Variants in IFT74 observed in about 807,000 individuals in gnomAD.
IFT74 encodes the protein intraflagellar transport protein 74 homolog.
Under a neutral mutation model 96.7 loss-of-function variants are expected in IFT74, and 92 were observed. The observed-to-expected ratio is 0.95, with a 90% confidence interval of 0.80 to 1.13. The LOEUF (loss-of-function observed/expected upper bound fraction) is 1.13. IFT74 is among the 50% of genes most tolerant of loss of function. The pLI, the probability that IFT74 is intolerant of heterozygous loss-of-function variation, is 0.00. For missense variants in IFT74, 811 were observed against 698.2 expected, an observed-to-expected ratio of 1.16 and a Z score of -1.82; for synonymous variants, 223 against 213.2, an observed-to-expected ratio of 1.05 and a Z score of -0.40.
intron 8 of IFT74, among the ~76,000 whole-genome samples, chr9:26,991,422 G>A (rs374759971): frequency 1.6e-4 from 24 of 151,972 alleles, no homozygotes; most frequent in African/African-American, 5.1e-4. Context: ...GTCTTATTAC[G>A]TTGCTCAGGC....
chr9:27,005,259 G>T (rs1828706848), intron 8 of IFT74, among the ~76,000 whole-genome samples: 1 of 146,614 alleles, frequency 6.8e-6, no homozygotes, highest in South Asian at 2.1e-4. Flanking sequence ...CTTGCCAATT[G>T]GCTTTTAGAT....
chr9:27,006,681 G>T (rs2131595814), intron 8 of IFT74, among the ~76,000 whole-genome samples: 1 of 149,124 alleles, frequency 6.7e-6, no homozygotes. Flanking sequence ...GGAGGAGGAG[G>T]AAGGGAAGGA....
intron 6 of IFT74, among the ~76,000 whole-genome samples, chr9:26,986,495 T>G (rs954410973): frequency 3.9e-5 from 6 of 152,094 alleles, no homozygotes; most frequent in Non-Finnish European, 7.4e-5. Context: ...TTTTGTATTT[T>G]TTGTTGAGAT....
At chr9:27,056,121 G>A (rs967410728) in intron 17 of IFT74, among the ~76,000 whole-genome samples, 2 of 151,964 alleles carry the variant, frequency 1.3e-5, no homozygotes, top group African/African-American at 4.8e-5. Flanking sequence ...TGGTAGGGTC[G>A]GGAGAGATAT....
At position 27,044,778 on chromosome 9, in the gene IFT74, G is replaced by A. The variant is rs1224190107; in HGVS notation, c.1091G>A (p.Arg364Lys). The change falls in exon 14 of 20, where the codon AGG becomes AAG. Residue 364 changes from arginine to lysine, a missense_variant. By Grantham distance (26) the Arg-to-Lys change is conservative. Transcript: ENST00000380062. ...CAGAAATACAAGGAGCTAAAGAAAA[G>A]GGAGGAACATATGGACAGTAAGTGA... ...MNQKYKELKK[R>K]EEHMDTFIET... 5 of 1,554,278 alleles carry A rather than the reference G, an allele frequency of 3.2e-6. No individual in the cohort carries two copies. The highest frequency in any genetic ancestry group is 2.8e-5 in the African/African-American group (2 of 72,718).
At position 27,042,359 on chromosome 9, in the gene IFT74, T is replaced by C. The variant is rs114565288; in HGVS notation, c.1055-2383T>C. 9.1e-3 allele frequency among the ~76,000 whole-genome samples: 1,378 copies of C among 151,928 alleles called. 30 individuals are homozygous for C. The highest frequency in any genetic ancestry group is 0.032 in the African/African-American group (1,311 of 41,408). On this transcript the variant is annotated intron_variant, in intron 13 of 19. Transcript: ENST00000380062. ...TGAAGAGAAGACAGAAAAATAATGA[T>C]CTGAGAGTAAGAAACGCCAGAGAAG...
At chr9:26,981,719 C>A (rs1827383620) in intron 4 of IFT74, among the ~76,000 whole-genome samples, 1 of 152,076 alleles carries the variant, frequency 6.6e-6, no homozygotes, top group African/African-American at 2.4e-5. Context: ...CGCGCCCAAC[C>A]CCTTGTAGCA....
intron 7 of IFT74, among the ~76,000 whole-genome samples, chr9:26,989,371 A>G (rs1164587949): frequency 1.3e-5 from 2 of 152,194 alleles, no homozygotes; most frequent in African/African-American, 2.4e-5. Flanking sequence ...AATAAAAACA[A>G]ATTTGTATTC....
At chr9:27,033,515 C>T (rs944346562) in intron 13 of IFT74, among the ~76,000 whole-genome samples, 1 of 150,086 alleles carries the variant, frequency 6.7e-6, no homozygotes, top group African/African-American at 2.5e-5. Context: ...GCCGAAATCA[C>T]TCCAACCAAA....
At chr9:27,010,501 T>G (rs1189320093) in intron 9 of IFT74, among the ~76,000 whole-genome samples, 1 of 149,838 alleles carries the variant, frequency 6.7e-6, no homozygotes, top group African/African-American at 2.5e-5. Context: ...TTTTTTTTGT[T>G]TTTTTTGAGA....
chr9:26,947,210 C>T lies in IFT74; in HGVS notation c.-20+64C>T, dbSNP rs1218791182. 4.3e-5 allele frequency: 33 copies of T among 767,872 alleles called. No individual in the cohort carries two copies. The East Asian group carries it at 9.8e-4, about 23-fold the overall frequency. The allele number at this position is 767,872 out of a possible 1,614,324, so 47.6% of individuals were successfully genotyped here. ...GTACGGAAGGGCGGCTGGGAAGGGGCGCGCCGAGCGGGCCGAGTGACACAG... is the reference window on the plus strand; with the variant it reads ...GTACGGAAGGGCGGCTGGGAAGGGGTGCGCCGAGCGGGCCGAGTGACACAG... On this transcript the variant is annotated intron_variant, in intron 1 of 19. Coordinates refer to the IFT74 transcript ENST00000433700.
At chr9:26,959,089 TTTG>T (rs60936250) in intron 1 of IFT74, among the ~76,000 whole-genome samples, 9,435 of 150,580 alleles carry the variant, frequency 0.063, 395 homozygotes, top group South Asian at 0.13. Context: ...AGCTATTCTT[TTTG>T]TTGTTGTTGT....
At chr9:27,048,515 TAAAC>T (rs1025711453) in intron 16 of IFT74, among the ~76,000 whole-genome samples, 2 of 152,208 alleles carry the variant, frequency 1.3e-5, no homozygotes, top group African/African-American at 4.8e-5. Flanking sequence ...TTGTTAAAGA[TAAAC>T]AAAGCTGGAT....
At chr9:27,029,604 C>T (rs967149114) in intron 13 of IFT74, among the ~76,000 whole-genome samples, 8 of 152,152 alleles carry the variant, frequency 5.3e-5, no homozygotes, top group South Asian at 4.2e-4. Flanking sequence ...AAAAATTAGC[C>T]GGGCGTGGTG....
chr9:26,985,710 T>C (rs772771460), intron 6 of IFT74, among the ~76,000 whole-genome samples: 24 of 152,146 alleles, frequency 1.6e-4, no homozygotes, highest in Non-Finnish European at 7.4e-5. Flanking sequence ...CATGCTTTTC[T>C]CCCTAAAATA....
chr9:26,968,984 T>C (rs997887908), intron 2 of IFT74, among the ~76,000 whole-genome samples: 2 of 152,144 alleles, frequency 1.3e-5, no homozygotes, highest in African/African-American at 4.8e-5. Context: ...TATCTGATTC[T>C]TTCATATGCA....
intron 4 of IFT74, chr9:26,982,525 C>G (rs1188850627): frequency 7.1e-6 from 2 of 282,724 alleles, no homozygotes; most frequent in African/African-American, 5.0e-5. Flanking sequence ...GGCCTGATCT[C>G]TGGCACCGCA....
intron 7 of IFT74, among the ~76,000 whole-genome samples, chr9:26,988,945 T>G (rs574090485): frequency 6.6e-6 from 1 of 152,198 alleles, no homozygotes; most frequent in Non-Finnish European, 1.5e-5. Context: ...GTTTAGTGAC[T>G]GTCTACTGTG....
At chr9:27,061,649 A>G (rs907724364) in intron 19 of IFT74, among the ~76,000 whole-genome samples, 4 of 148,942 alleles carry the variant, frequency 2.7e-5, no homozygotes, top group Non-Finnish European at 4.4e-5. Context: ...AGAATTATAT[A>G]TAACCATATA....
Sources: allele counts gnomAD v4.1 joint callset (sites outside exome capture counted in the v4.1 genomes callset), GRCh38; gene constraint gnomAD v4.1.1; transcripts MANE v1.5; gene names NCBI Gene and HGNC (gene_info 2026-07-23, HGNC 2026-07-21).